Variants in TP63 observed in about 807,000 individuals in gnomAD.
TP63 encodes the protein tumor protein 63.
TP63 carries 17 observed loss-of-function variants against 82.8 expected under a neutral mutation model. The ratio of observed to expected loss-of-function variants is 0.21; its 90% CI spans 0.14 to 0.31. The LOEUF (loss-of-function observed/expected upper bound fraction) is 0.31. Ranked by LOEUF, TP63 falls within the 10% of genes least tolerant of loss-of-function variation. The probability of loss-of-function intolerance (pLI) is 1.00; values close to 1 mark genes in which losing one functional copy is unlikely to be tolerated. For synonymous variants in TP63, 330 were observed against 321.7 expected (o/e 1.03, Z -0.28); for missense variants, 648 against 895.3 (o/e 0.72, Z 3.52).
At chr3:189,848,984 G>C (rs774716313) in intron 4 of TP63, among the ~76,000 whole-genome samples, 4 of 152,202 alleles carry the variant, frequency 2.6e-5, no homozygotes, top group African/African-American at 4.8e-5. Flanking sequence ...CTCCAGGAAG[G>C]AGAGAGAGGC....
the TP63 span, among the ~76,000 whole-genome samples, chr3:189,626,251 C>T: frequency 6.6e-6 from 1 of 152,140 alleles, no homozygotes; most frequent in African/African-American, 2.4e-5. Flanking sequence ...TTCCACTTTA[C>T]TAAAATAGAG....
intron 4 of TP63, among the ~76,000 whole-genome samples, chr3:189,858,363 G>A (rs1716567073): frequency 9.4e-6 from 1 of 105,960 alleles, no homozygotes; most frequent in Admixed American, 1.1e-4. Flanking sequence ...CCGAGATTGC[G>A]CCACTGCACT....
intron 4 of TP63, among the ~76,000 whole-genome samples, chr3:189,821,931 A>G (rs1178310561): frequency 1.3e-5 from 2 of 152,186 alleles, no homozygotes; most frequent in African/African-American, 4.8e-5. Flanking sequence ...CTCTTCTTGA[A>G]AGCAGGGACT....
chr3:189,729,187 A>G (rs781279654), intron 1 of TP63, among the ~76,000 whole-genome samples: 1 of 152,190 alleles, frequency 6.6e-6, no homozygotes, highest in Non-Finnish European at 1.5e-5. Flanking sequence ...CAGAGAAATC[A>G]TTACCTTTAA....
Position 189,760,161 on chromosome 3 carries a change from G to A in TP63, c.324+21387G>A, listed in dbSNP as rs1231555564. 5.9e-5 allele frequency among the ~76,000 whole-genome samples: 9 copies of A among 151,974 alleles called. No individual in the cohort carries two copies. The South Asian group carries it at 8.3e-4, about 14-fold the overall frequency. ...ACCAAACCATTTCATTCCACCCCTG[G>A]CCCCTCTCAAATCTCATATCTTCAC... On this transcript the variant is annotated intron_variant, in intron 3 of 13. Transcript: ENST00000264731.
At chr3:189,817,319 A>G (rs1047424646) in intron 4 of TP63, among the ~76,000 whole-genome samples, 1 of 152,150 alleles carries the variant, frequency 6.6e-6, no homozygotes, top group Admixed American at 6.5e-5. Flanking sequence ...AAGGGTTCTC[A>G]TTTGAATTTG....
chr3:189,798,167 A>G (rs558271227), intron 3 of TP63, among the ~76,000 whole-genome samples: 1 of 152,194 alleles, frequency 6.6e-6, no homozygotes, highest in Non-Finnish European at 1.5e-5. Context: ...ATCTTCACCT[A>G]GGAATATATG....
At chr3:189,840,168 G>C (rs1713771224) in intron 4 of TP63, among the ~76,000 whole-genome samples, 1 of 151,996 alleles carries the variant, frequency 6.6e-6, no homozygotes, top group Non-Finnish European at 1.5e-5. Flanking sequence ...CCAGTATTCA[G>C]AGTATTTGAG....
intron 1 of TP63, among the ~76,000 whole-genome samples, chr3:189,712,476 C>T (rs1560127971): frequency 6.6e-6 from 1 of 152,146 alleles, no homozygotes; most frequent in Non-Finnish European, 1.5e-5. Context: ...TGGATTCCGT[C>T]TGATGAGCAC....
chr3:189,679,119 G>A (rs1715695537), intron 1 of TP63, among the ~76,000 whole-genome samples: 1 of 151,986 alleles, frequency 6.6e-6, no homozygotes, highest in African/African-American at 2.4e-5. Flanking sequence ...AGCTCTTCAA[G>A]TTACTGATTT....
At chr3:189,713,253 G>A (rs918173746) in intron 1 of TP63, among the ~76,000 whole-genome samples, 33 of 152,160 alleles carry the variant, frequency 2.2e-4, no homozygotes, top group Admixed American at 5.9e-4. Flanking sequence ...TAACTACTCA[G>A]TAAATGTTTA....
intron 3 of TP63, among the ~76,000 whole-genome samples, chr3:189,759,498 A>C (rs1362407512): frequency 6.6e-6 from 1 of 152,174 alleles, no homozygotes; most frequent in Non-Finnish European, 1.5e-5. Context: ...CATGTGCCCA[A>C]GGTTGTTGGT....
intron 3 of TP63, among the ~76,000 whole-genome samples, chr3:189,780,009 T>C (rs1020506048): frequency 6.6e-6 from 1 of 152,032 alleles, no homozygotes; most frequent in Non-Finnish European, 1.5e-5. Context: ...ATCCCAAGAA[T>C]TGAGTAAAAT....
intron 1 of TP63, among the ~76,000 whole-genome samples, chr3:189,668,256 A>T (rs1714582684): frequency 6.6e-6 from 1 of 152,168 alleles, no homozygotes; most frequent in East Asian, 1.9e-4. Context: ...CAGTTTATCT[A>T]AATTACATCA....
intron 1 of TP63, among the ~76,000 whole-genome samples, chr3:189,712,094 A>G (rs1270167907): frequency 6.6e-6 from 1 of 152,208 alleles, no homozygotes; most frequent in Non-Finnish European, 1.5e-5. Context: ...ATTGATGTGC[A>G]TTTATTGAGC....
In TP63 at chr3:189,868,977, A is replaced by C. The variant is rs142470462; in HGVS notation, c.1129+261A>C. On this transcript the variant is annotated intron_variant, in intron 8 of 13. Transcript: ENST00000264731. ...ATGTGACTTCCACACCAGTAGCATAAACATCATCTATTCACAGACACACAC... is the reference window on the plus strand; with the variant it reads ...ATGTGACTTCCACACCAGTAGCATACACATCATCTATTCACAGACACACAC... Among the ~76,000 whole-genome samples, 399 of 152,246 alleles carry C rather than the reference A, an allele frequency of 2.6e-3. 1 individual carries two copies. Among genetic ancestry groups the C allele is most frequent in the Non-Finnish European group, 4.4e-3 (297 of 68,010 alleles).
rs778081345 is a variant in TP63, at chr3:189,893,044, C to T, written c.1747-1162C>T. 9.0e-4 allele frequency among the ~76,000 whole-genome samples: 137 copies of T among 152,054 alleles called. 3 individuals are homozygous for T. Among genetic ancestry groups the T allele is most frequent in the Admixed American group, 3.3e-4 (5 of 15,264 alleles). ...CCTTTTCTCAGCTTTTATCTTAGAG[C>T]CAGTCTAAGTTATTGGGCATCATCA... On this transcript the variant is annotated intron_variant, in intron 13 of 13. Coordinates refer to ENST00000264731, the MANE Select transcript of TP63 (RefSeq NM_003722.5).
At position 189,895,642 on chromosome 3, in the gene TP63, A is replaced by G. The variant is rs977187424; in HGVS notation, c.*1140A>G. On this transcript the variant is annotated 3_prime_UTR_variant, in exon 14 of 14. Coordinates refer to ENST00000264731, the MANE Select transcript of TP63 (RefSeq NM_003722.5). ...AGTAAGATATCTCAATGAACCATAA[A>G]TTCAACTTTGTAAAAATCTTTTGAA... 8.8e-6 allele frequency: 2 copies of G among 226,760 alleles called. No individual in the cohort carries two copies. The highest frequency in any genetic ancestry group is 1.8e-5 in the Non-Finnish European group (2 of 114,238). 14.0% of individuals were successfully genotyped at this position (226,760 alleles called of 1,614,324 possible).
the TP63 span, among the ~76,000 whole-genome samples, chr3:189,614,825 A>G: frequency 9.2e-5 from 14 of 152,200 alleles, no homozygotes; most frequent in African/African-American, 3.4e-4. Context: ...AACTATATGT[A>G]TATCATACCA....
Sources: allele counts gnomAD v4.1 joint callset (sites outside exome capture counted in the v4.1 genomes callset), GRCh38; gene constraint gnomAD v4.1.1; transcripts MANE v1.5; gene names NCBI Gene and HGNC (gene_info 2026-07-23, HGNC 2026-07-21).